The following SLC16A10 variants were observed in gnomAD, a reference collection of about 807,000 sequenced individuals.
SLC16A10 encodes the protein solute carrier family 16 member 10.
In SLC16A10, 27 loss-of-function variants were observed where a neutral mutation model predicts 40.0. That is an observed-to-expected ratio of 0.67 (90% CI 0.50 to 0.93). The LOEUF is 0.93. Ranked by LOEUF, SLC16A10 falls within the 40% of genes least tolerant of loss-of-function variation. The pLI is 0.00. For synonymous variants in SLC16A10, 213 were observed against 249.8 expected, an observed-to-expected ratio of 0.85 and a Z score of 1.39; for missense variants, 529 against 658.2, an observed-to-expected ratio of 0.80 and a Z score of 2.15.
At chr6:111,164,688 C>T (rs562852546) in intron 1 of SLC16A10, among the ~76,000 whole-genome samples, 20 of 152,156 alleles carry the variant, frequency 1.3e-4, no homozygotes, top group Non-Finnish European at 2.6e-4. Flanking sequence ...TCACTTGAAC[C>T]TGGGAGGCAG....
Position 111,223,773 on chromosome 6 carries a change from C to T in SLC16A10, c.*1538C>T, listed in dbSNP as rs1770944198. 6.6e-6 allele frequency: 1 copy of T among 152,176 alleles called. No homozygotes were observed. The highest frequency in any genetic ancestry group is 2.4e-5 in the African/African-American group (1 of 41,422). 9.4% of individuals were successfully genotyped at this position (152,176 alleles called of 1,614,324 possible). On this transcript the variant is annotated 3_prime_UTR_variant, in exon 6 of 6. Transcript: ENST00000368851. Reference sequence around the variant, plus strand: ...TTTTTGAGAAGTTCAACAAAACATACTACTAAGACCAATCATCAAACCCAC... The same window carrying T: ...TTTTTGAGAAGTTCAACAAAACATATTACTAAGACCAATCATCAAACCCAC...
chr6:111,211,592 G>A (rs1189567757), intron 4 of SLC16A10, among the ~76,000 whole-genome samples: 2 of 152,334 alleles, frequency 1.3e-5, no homozygotes, highest in East Asian at 3.9e-4. Flanking sequence ...ACAAGCCTGA[G>A]AAGGAGAAAG....
In SLC16A10 at chr6:111,152,136, C is replaced by T. The variant is rs551729046; in HGVS notation, c.344-20559C>T. ...CATGAATAAAGCTATATATCCCCTT[C>T]CTGTTCATACTTATCCATTTAATTT... On this transcript the variant is annotated intron_variant, in intron 1 of 5. Coordinates refer to ENST00000368851, the MANE Select transcript of SLC16A10 (RefSeq NM_018593.5). 2.6e-5 allele frequency among the ~76,000 whole-genome samples: 4 copies of T among 152,314 alleles called. No individual in the cohort carries two copies. In the East Asian group the frequency reaches 7.7e-4, roughly 29 times the overall value.
chr6:111,104,618 C>T (rs560157238), intron 1 of SLC16A10, among the ~76,000 whole-genome samples: 4 of 151,952 alleles, frequency 2.6e-5, no homozygotes, highest in South Asian at 2.1e-4. Flanking sequence ...ACATGTGGAG[C>T]GTTAAGGGTC....
chr6:111,141,198 T>G (rs1241569501), intron 1 of SLC16A10, among the ~76,000 whole-genome samples: 1 of 152,208 alleles, frequency 6.6e-6, no homozygotes, highest in Non-Finnish European at 1.5e-5. Flanking sequence ...TTGAAAATTA[T>G]GTAGTTATTC....
At chr6:111,105,986 G>A (rs1771278129) in intron 1 of SLC16A10, among the ~76,000 whole-genome samples, 2 of 152,034 alleles carry the variant, frequency 1.3e-5, no homozygotes, top group African/African-American at 4.8e-5. Context: ...AATATCATTT[G>A]GCTTCATTTA....
intron 1 of SLC16A10, among the ~76,000 whole-genome samples, chr6:111,089,346 A>G (rs1039311642): frequency 6.6e-6 from 1 of 152,194 alleles, no homozygotes; most frequent in African/African-American, 2.4e-5. Flanking sequence ...GTGTGAACTG[A>G]TAACTCAAAT....
chr6:111,132,506 G>A (rs1417496421), intron 1 of SLC16A10, among the ~76,000 whole-genome samples: 4 of 152,170 alleles, frequency 2.6e-5, no homozygotes, highest in African/African-American at 4.8e-5. Context: ...GCATTCAGTC[G>A]GTAGCGGCAA....
intron 1 of SLC16A10, among the ~76,000 whole-genome samples, chr6:111,159,067 CAAAAAAAAAAAAA>C (rs548809670): frequency 1.7e-4 from 4 of 23,402 alleles, no homozygotes; most frequent in South Asian, 1.8e-3. Context: ...GACCCTGACT[CAAAAAAAAAAAAA>C]AAAAAAAAAA....
At chr6:111,134,730 A>G (rs1384421473) in intron 1 of SLC16A10, among the ~76,000 whole-genome samples, 2 of 152,280 alleles carry the variant, frequency 1.3e-5, no homozygotes, top group Non-Finnish European at 1.5e-5. Flanking sequence ...TCCCTTGTCC[A>G]TGCCCCTTAT....
chr6:111,106,136 G>C (rs1771281030), intron 1 of SLC16A10, among the ~76,000 whole-genome samples: 1 of 152,164 alleles, frequency 6.6e-6, no homozygotes, highest in Non-Finnish European at 1.5e-5. Context: ...GGGAAGGGAA[G>C]AAAAGGAAAG....
intron 1 of SLC16A10, among the ~76,000 whole-genome samples, chr6:111,092,313 TTG>T (rs1491565577): frequency 3.4e-5 from 4 of 117,590 alleles, no homozygotes; most frequent in African/African-American, 3.7e-5. Flanking sequence ...TCTTTTTTTG[TTG>T]TTTTTTTTTT....
intron 4 of SLC16A10, among the ~76,000 whole-genome samples, chr6:111,215,315 CA>C (rs1440310909): frequency 1.3e-5 from 2 of 150,864 alleles, no homozygotes; most frequent in Non-Finnish European, 3.0e-5. Flanking sequence ...TTAACAAAGC[CA>C]AGTACTGTAC....
chr6:111,167,704 C>T (rs372739671), intron 1 of SLC16A10, among the ~76,000 whole-genome samples: 32 of 151,776 alleles, frequency 2.1e-4, no homozygotes, highest in East Asian at 1.6e-3. Flanking sequence ...GGTCTTGCTC[C>T]GTTGCCCAGG....
At chr6:111,175,305 GGTTCAGCA>G (rs1417760552) in intron 2 of SLC16A10, among the ~76,000 whole-genome samples, 4 of 152,156 alleles carry the variant, frequency 2.6e-5, no homozygotes, top group Non-Finnish European at 5.9e-5. Context: ...AAGTGAAAAG[GGTTCAGCA>G]GTAGTGCAAA....
chr6:111,157,013 G>A (rs1379701162), intron 1 of SLC16A10, among the ~76,000 whole-genome samples: 2 of 152,130 alleles, frequency 1.3e-5, no homozygotes, highest in Non-Finnish European at 2.9e-5. Context: ...CCACCTCCTG[G>A]TCTCAAGCGA....
In SLC16A10 at chr6:111,087,929, T is replaced by G. The variant is rs750209624; in HGVS notation, c.177T>G (p.His59Gln). 3.7e-6 allele frequency: 6 copies of G among 1,603,280 alleles called. No homozygotes were observed. The highest frequency in any genetic ancestry group is 5.1e-6 in the Non-Finnish European group (6 of 1,176,070). ...ELAGPATAEP[H>Q]EPPEPPEGGW... ...CGGGGCCGGCGACCGCGGAGCCCCA[T>G]GAGCCCCCCGAACCCCCCGAGGGCG... The change falls in exon 1 of 6, where the codon CAT becomes CAG. Residue 59 changes from histidine (H) to glutamine (Q), a missense_variant. By Grantham distance (24) the His-to-Gln change is conservative (BLOSUM62 0). Transcript: ENST00000368851.
At chr6:111,164,088 A>G (rs1562418719) in intron 1 of SLC16A10, among the ~76,000 whole-genome samples, 2 of 152,222 alleles carry the variant, frequency 1.3e-5, no homozygotes, top group African/African-American at 2.4e-5. Context: ...AATTTAGTCA[A>G]TATGTTCACA....
In SLC16A10 at chr6:111,179,849, G is replaced by A. The variant is rs977444158; in HGVS notation, c.942+2184G>A. Among the ~76,000 whole-genome samples the A allele has an allele frequency of 5.3e-5, 8 of 152,222 alleles. No homozygotes were observed. In the South Asian group the frequency reaches 1.7e-3, roughly 31 times the overall value. On this transcript the variant is annotated intron_variant, in intron 3 of 5. Coordinates refer to ENST00000368851, the MANE Select transcript of SLC16A10 (RefSeq NM_018593.5). Reference sequence around the variant, plus strand: ...ATGCAGCACGGTAGAGGAAAGATCAGATAGCTAAATGCCATACAGGTGTTT... The same window carrying A: ...ATGCAGCACGGTAGAGGAAAGATCAAATAGCTAAATGCCATACAGGTGTTT...
Sources: gnomAD v4.1 joint callset for allele counts (sites outside exome capture counted in the v4.1 genomes callset) on GRCh38, gnomAD v4.1.1 for gene constraint, MANE v1.5 for transcripts, NCBI Gene and HGNC (gene_info 2026-07-23, HGNC 2026-07-21) for gene names.